Variants in MACROD2 observed in about 807,000 individuals in gnomAD.
MACROD2 encodes the protein mono-ADP ribosylhydrolase 2, also known as ADP-ribose glycohydrolase MACROD2.
MACROD2 carries 36 observed loss-of-function variants against 70.4 expected under a neutral mutation model. The observed-to-expected ratio is 0.51, with a 90% confidence interval of 0.39 to 0.68. The LOEUF (loss-of-function observed/expected upper bound fraction) is 0.68, where lower values mean the gene tolerates loss of function less well. Ranked by LOEUF, MACROD2 falls within the 30% of genes least tolerant of loss-of-function variation. The probability of loss-of-function intolerance (pLI) is 0.00; values close to 1 mark genes in which losing one functional copy is unlikely to be tolerated. For missense variants in MACROD2, 496 were observed against 538.4 expected (o/e 0.92, Z 0.78); for synonymous variants, 172 against 178.8 (o/e 0.96, Z 0.30).
At chr20:15,516,015 T>C (rs1000193518) in intron 8 of MACROD2, among the ~76,000 whole-genome samples, 2 of 152,234 alleles carry the variant, frequency 1.3e-5, no homozygotes, top group Admixed American at 6.5e-5. Context: ...TGTTGATCTA[T>C]AGCTGATGGG....
chr20:15,784,855 A>T (rs569223233), intron 8 of MACROD2, among the ~76,000 whole-genome samples: 9 of 152,202 alleles, frequency 5.9e-5, no homozygotes, highest in Admixed American at 2.6e-4. Context: ...TTCTATTAAA[A>T]ATCACGGAGT....
At chr20:14,979,658 GT>G (rs769470967) in intron 5 of MACROD2, among the ~76,000 whole-genome samples, 1 of 152,068 alleles carries the variant, frequency 6.6e-6, no homozygotes, top group Admixed American at 6.6e-5. Flanking sequence ...TTGATCACAA[GT>G]TTTTTTTACC....
intron 4 of MACROD2, among the ~76,000 whole-genome samples, chr20:14,679,409 T>G (rs545380104): frequency 6.6e-6 from 1 of 152,178 alleles, no homozygotes; most frequent in East Asian, 1.9e-4. Context: ...AATCAGAGGA[T>G]GTGAAGGGAG....
At chr20:15,315,761 G>C (rs1276660540) in intron 6 of MACROD2, among the ~76,000 whole-genome samples, 2 of 152,138 alleles carry the variant, frequency 1.3e-5, no homozygotes, top group African/African-American at 4.8e-5. Flanking sequence ...TCTGGTGAAG[G>C]TAAATGCATA....
At position 14,423,739 on chromosome 20, in the gene MACROD2, T is replaced by A. The variant is rs115512233; in HGVS notation, c.272-69740T>A. The stretch of plus-strand genomic sequence containing the variant: ...AAAAAGTTGCTTTCTAGTCCACCAT[T>A]TTGCTGACATCTTAAATTTTTTTTT... On this transcript the variant is annotated intron_variant, in intron 3 of 17. Transcript: ENST00000684519. 3.0e-3 allele frequency among the ~76,000 whole-genome samples: 449 copies of A among 148,232 alleles called. 3 individuals carry two copies. The highest frequency in any genetic ancestry group is 0.011 in the African/African-American group (436 of 40,690).
chr20:15,803,892 C>T (rs2063746949), intron 8 of MACROD2, among the ~76,000 whole-genome samples: 1 of 152,162 alleles, frequency 6.6e-6, no homozygotes, highest in South Asian at 2.1e-4. Context: ...CTCTTAAGCA[C>T]CTACTCTGGT....
chr20:15,158,199 G>A (rs1241053965), intron 5 of MACROD2, among the ~76,000 whole-genome samples: 4 of 152,090 alleles, frequency 2.6e-5, no homozygotes, highest in African/African-American at 4.8e-5. Context: ...TTTTTGAAAC[G>A]TGGCTTTCAA....
intron 2 of MACROD2, among the ~76,000 whole-genome samples, chr20:14,020,195 G>A (rs376068325): frequency 5.8e-4 from 88 of 152,218 alleles, no homozygotes; most frequent in Non-Finnish European, 8.8e-4. Context: ...ATTGTCAGCC[G>A]GGCGCGGTGG....
At chr20:15,303,319 A>G (rs1905738348) in intron 6 of MACROD2, among the ~76,000 whole-genome samples, 1 of 151,828 alleles carries the variant, frequency 6.6e-6, no homozygotes, top group Admixed American at 6.6e-5. Context: ...CTTACCATCT[A>G]CTCCCTGCCC....
At chr20:15,234,972 A>G (rs991065848) in intron 6 of MACROD2, among the ~76,000 whole-genome samples, 2 of 152,176 alleles carry the variant, frequency 1.3e-5, no homozygotes, top group African/African-American at 4.8e-5. Context: ...CCCTTCTTTT[A>G]ACATCATGTT....
chr20:14,006,191 G>A (rs6042475), intron 2 of MACROD2, among the ~76,000 whole-genome samples: 113,723 of 152,076 alleles, frequency 0.75, 43,563 homozygotes, highest in South Asian at 0.84. Flanking sequence ...TATAGACTGT[G>A]TACCATCTAG....
At chr20:14,477,316 C>A (rs1446031446) in intron 3 of MACROD2, among the ~76,000 whole-genome samples, 1 of 152,068 alleles carries the variant, frequency 6.6e-6, no homozygotes, top group African/African-American at 2.4e-5. Flanking sequence ...AATGAGATCA[C>A]CAAGTGTTCT....
chr20:14,285,917 T>C (rs1382302379), intron 3 of MACROD2, among the ~76,000 whole-genome samples: 1 of 151,964 alleles, frequency 6.6e-6, no homozygotes, highest in Non-Finnish European at 1.5e-5. Flanking sequence ...GATGGAACTT[T>C]GGGATAGTGA....
At chr20:14,689,854 G>C (rs961710234) in intron 5 of MACROD2, among the ~76,000 whole-genome samples, 3 of 152,220 alleles carry the variant, frequency 2.0e-5, no homozygotes, top group South Asian at 2.1e-4. Flanking sequence ...GTATATCACA[G>C]GTACTAGAGA....
At chr20:14,749,659 A>G (rs896002075) in intron 5 of MACROD2, among the ~76,000 whole-genome samples, 1 of 152,190 alleles carries the variant, frequency 6.6e-6, no homozygotes, top group South Asian at 2.1e-4. Flanking sequence ...AAATATCAAT[A>G]TAAATTTTAA....
chr20:15,157,149 G>T (rs1041790845), intron 5 of MACROD2, among the ~76,000 whole-genome samples: 27 of 152,126 alleles, frequency 1.8e-4, no homozygotes, highest in African/African-American at 6.5e-4. Flanking sequence ...ATTTTTCAGG[G>T]TTCTGGAGGC....
At chr20:15,062,080 C>G (rs1385817996) in intron 5 of MACROD2, among the ~76,000 whole-genome samples, 2 of 152,136 alleles carry the variant, frequency 1.3e-5, no homozygotes, top group Non-Finnish European at 1.5e-5. Context: ...TGGTCACTTG[C>G]TAACATACCT....
chr20:15,882,545 G>A (rs2064768746), intron 9 of MACROD2, among the ~76,000 whole-genome samples: 1 of 152,048 alleles, frequency 6.6e-6, no homozygotes, highest in Admixed American at 6.6e-5. Context: ...ACTGTTTCTA[G>A]ATAGATAAGG....
intron 5 of MACROD2, among the ~76,000 whole-genome samples, chr20:14,990,714 A>T (rs966226422): frequency 1.3e-5 from 2 of 151,536 alleles, no homozygotes; most frequent in Non-Finnish European, 2.9e-5. Flanking sequence ...GGGTTTCACC[A>T]TATTGGCCAG....
Sources: gnomAD v4.1 joint callset for allele counts (sites outside exome capture counted in the v4.1 genomes callset) on GRCh38, gnomAD v4.1.1 for gene constraint, MANE v1.5 for transcripts, NCBI Gene and HGNC (gene_info 2026-07-23, HGNC 2026-07-21) for gene names.